Variants in PBX1 observed in about 807,000 individuals in gnomAD.
PBX1 encodes the protein pre-B-cell leukemia transcription factor 1.
PBX1 carries 6 observed loss-of-function variants against 53.4 expected under a neutral mutation model. The ratio of observed to expected loss-of-function variants is 0.11; its 90% CI spans 0.06 to 0.22. PBX1 has a LOEUF of 0.22. PBX1 is among the 10% of genes least tolerant of loss of function. PBX1 has a pLI of 1.00. For missense variants in PBX1, 251 were observed against 551.4 expected (o/e 0.46, Z 5.46); for synonymous variants, 204 against 212.3 (o/e 0.96, Z 0.34).
chr1:164,566,726 TA>T (rs1653458292), intron 2 of PBX1, among the ~76,000 whole-genome samples: 1 of 152,190 alleles, frequency 6.6e-6, no homozygotes, highest in African/African-American at 2.4e-5. Flanking sequence ...CACGCAAGTT[TA>T]AAAATTAGGA....
At chr1:164,843,877 A>G (rs540405550) in intron 8 of PBX1, among the ~76,000 whole-genome samples, 1 of 152,118 alleles carries the variant, frequency 6.6e-6, no homozygotes, top group Admixed American at 6.5e-5. Flanking sequence ...TTAATGAAAC[A>G]CCACAGAACT....
intron 2 of PBX1, among the ~76,000 whole-genome samples, chr1:164,678,899 A>C (rs1661590301): frequency 6.6e-6 from 1 of 152,026 alleles, no homozygotes; most frequent in South Asian, 2.1e-4. Context: ...GTGGAGGTGC[A>C]AGAAGGAGGA....
At position 164,584,051 on chromosome 1, in the gene PBX1, G is replaced by A. The variant is rs762520083; in HGVS notation, c.265+20740G>A. On this transcript the variant is annotated intron_variant, in intron 2 of 8. Transcript: ENST00000420696. ...AGCCATGCTTTATTCATCTTTGCATGTCTAGACCAGTGCCTGGTATATATA... is the reference window on the plus strand; with the variant it reads ...AGCCATGCTTTATTCATCTTTGCATATCTAGACCAGTGCCTGGTATATATA... Among the ~76,000 whole-genome samples the A allele has an allele frequency of 3.3e-4, 51 of 152,284 alleles. 1 individual carries two copies. In the Middle Eastern group the frequency reaches 0.017, roughly 51 times the overall value.
chr1:164,589,958 C>G (rs966601295), intron 2 of PBX1, among the ~76,000 whole-genome samples: 1 of 152,118 alleles, frequency 6.6e-6, no homozygotes, highest in Non-Finnish European at 1.5e-5. Context: ...TCTTTCATCC[C>G]AACATTTTGG....
At chr1:164,793,746 T>C (rs900797121) in intron 3 of PBX1, among the ~76,000 whole-genome samples, 1 of 150,990 alleles carries the variant, frequency 6.6e-6, no homozygotes, top group Non-Finnish European at 1.5e-5. Context: ...GGATGCAACA[T>C]TATATTGAAG....
intron 2 of PBX1, among the ~76,000 whole-genome samples, chr1:164,713,410 A>G (rs762783622): frequency 3.3e-5 from 5 of 152,360 alleles, no homozygotes; most frequent in Non-Finnish European, 5.9e-5. Flanking sequence ...AGCAAGTGTC[A>G]TAAAAAGAAG....
chr1:164,836,830 A>G (rs1287644938), intron 8 of PBX1, among the ~76,000 whole-genome samples: 1 of 152,142 alleles, frequency 6.6e-6, no homozygotes, highest in East Asian at 1.9e-4. Flanking sequence ...AGGGTTTTGA[A>G]AGTTTCTATT....
intron 2 of PBX1, among the ~76,000 whole-genome samples, chr1:164,729,382 C>G (rs1303361585): frequency 6.6e-6 from 1 of 151,652 alleles, no homozygotes; most frequent in African/African-American, 2.4e-5. Flanking sequence ...CCTTTTTTTC[C>G]TTATCTTTAT....
At chr1:164,860,655 G>T (rs1672075489) in intron 2 of PBX1, among the ~76,000 whole-genome samples, 1 of 152,080 alleles carries the variant, frequency 6.6e-6, no homozygotes, top group African/African-American at 2.4e-5. Flanking sequence ...GACATGCATA[G>T]AATATGCATA....
rs1046595552 is a variant in PBX1 at position 164,776,998 on chromosome 1, G to T, written c.266-15496G>T. Among the ~76,000 whole-genome samples, 25 of 139,020 alleles carry T rather than the reference G, an allele frequency of 1.8e-4. 1 individual carries two copies. Among genetic ancestry groups the T allele is most frequent in the Non-Finnish European group, 3.1e-4 (20 of 64,414 alleles). 91.2% of individuals were successfully genotyped at this position (139,020 alleles called of 152,430 possible). A position where few individuals can be genotyped will look rare whatever the true frequency, so the allele number is the denominator to read the frequency against. ...GAGAGAGGAGGTGTGGGGGGGCGGG[G>T]GGCTGCCATCCAGAAGATGGAGGTA... On this transcript the variant is annotated intron_variant, in intron 2 of 8. Coordinates refer to ENST00000420696, the MANE Select transcript of PBX1 (RefSeq NM_002585.4).
At chr1:164,678,177 G>T (rs921729697) in intron 2 of PBX1, among the ~76,000 whole-genome samples, 1 of 152,142 alleles carries the variant, frequency 6.6e-6, no homozygotes, top group African/African-American at 2.4e-5. Flanking sequence ...GTATCCATAT[G>T]TTTATATAGG....
chr1:164,862,790 G>T (rs935152164), intron 2 of PBX1, among the ~76,000 whole-genome samples: 1 of 152,192 alleles, frequency 6.6e-6, no homozygotes, highest in African/African-American at 2.4e-5. Flanking sequence ...TGAGAGCTAA[G>T]GATCTTGTCA....
At chr1:164,862,893 G>T (rs1672132579) in intron 2 of PBX1, among the ~76,000 whole-genome samples, 1 of 152,168 alleles carries the variant, frequency 6.6e-6, no homozygotes, top group Non-Finnish European at 1.5e-5. Context: ...TTTTTCTGTA[G>T]TGGTGGTTGT....
chr1:164,762,046 G>A (rs1445246885), intron 2 of PBX1, among the ~76,000 whole-genome samples: 1 of 152,110 alleles, frequency 6.6e-6, no homozygotes, highest in East Asian at 1.9e-4. Flanking sequence ...ATTTCACTTT[G>A]TTCCTCACGT....
intron 1 of PBX1, among the ~76,000 whole-genome samples, chr1:164,561,253 C>G (rs189493328): frequency 3.3e-5 from 5 of 152,186 alleles, no homozygotes; most frequent in Admixed American, 1.3e-4. Context: ...TTTCTGTCTA[C>G]GTGAAATAAG....
chr1:164,673,204 A>C (rs1661209138), intron 2 of PBX1, among the ~76,000 whole-genome samples: 1 of 152,144 alleles, frequency 6.6e-6, no homozygotes, highest in African/African-American at 2.4e-5. Context: ...GTTTTATATT[A>C]AGGTTGAAAA....
chr1:164,723,664 A>C (rs1254232892), intron 2 of PBX1, among the ~76,000 whole-genome samples: 1 of 152,128 alleles, frequency 6.6e-6, no homozygotes, highest in Non-Finnish European at 1.5e-5. Context: ...AGAGCCCTGC[A>C]CTGCCTGTGA....
At position 164,766,640 on chromosome 1, in the gene PBX1, A is replaced by G. The variant is rs115355062; in HGVS notation, c.266-25854A>G. On this transcript the variant is annotated intron_variant, in intron 2 of 8. Coordinates refer to ENST00000420696, the MANE Select transcript of PBX1 (RefSeq NM_002585.4). ...TGGATAAAAAATAAAGGCTTTTTCT[A>G]GAGTTTTATATTCCTTATCAATGGC... Among the ~76,000 whole-genome samples, 1,114 of 152,188 alleles carry G rather than the reference A, an allele frequency of 7.3e-3. 12 individuals carry two copies. Among genetic ancestry groups the G allele is most frequent in the African/African-American group, 0.025 (1,029 of 41,548 alleles).
At chr1:164,684,931 T>C (rs1662013819) in intron 2 of PBX1, 1 of 152,232 alleles carries the variant, frequency 6.6e-6, no homozygotes, top group Admixed American at 6.5e-5. Flanking sequence ...CTTAGTCTTG[T>C]GTGTGGAACT....
Sources: gnomAD v4.1 joint callset for allele counts (sites outside exome capture counted in the v4.1 genomes callset) on GRCh38, gnomAD v4.1.1 for gene constraint, MANE v1.5 for transcripts, NCBI Gene and HGNC (gene_info 2026-07-23, HGNC 2026-07-21) for gene names.